KLRG2: variants seen among roughly 807,000 people sequenced by gnomAD.
KLRG2 encodes the protein killer cell lectin like receptor G2.
In KLRG2, 39 loss-of-function variants were observed where a neutral mutation model predicts 35.4. The ratio of observed to expected loss-of-function variants is 1.10; its 90% CI spans 0.85 to 1.44. KLRG2 has a LOEUF of 1.44. Among genes scored for constraint, KLRG2 ranks in the 40% most tolerant of loss-of-function variants. The pLI is 0.00. For synonymous variants in KLRG2, 283 were observed against 265.8 expected (o/e 1.06, Z -0.63); for missense variants, 632 against 570.9 (o/e 1.11, Z -1.09).
At chr7:139,463,444 A>T (rs1308954270) in intron 3 of KLRG2, among the ~76,000 whole-genome samples, 1 of 152,198 alleles carries the variant, frequency 6.6e-6, no homozygotes, top group African/African-American at 2.4e-5. Context: ...TGCCTCTGCC[A>T]TGAGACAAAA....
intron 1 of KLRG2, among the ~76,000 whole-genome samples, chr7:139,480,915 C>T (rs28637914): frequency 0.047 from 7,115 of 151,668 alleles, 528 homozygotes; most frequent in African/African-American, 0.16. Flanking sequence ...GGCTAATTTT[C>T]ATATCTTTAG....
intron 3 of KLRG2, among the ~76,000 whole-genome samples, chr7:139,474,963 TAAGACCCTATTCTAG>T (rs1796824726): frequency 6.6e-6 from 1 of 152,144 alleles, no homozygotes; most frequent in Admixed American, 6.5e-5. Flanking sequence ...CTGTGGGTCA[TAAGACCCTATTCTAG>T]GGAGGGTCCT....
chr7:139,434,316 C>A, the KLRG2 span, among the ~76,000 whole-genome samples: 2 of 152,298 alleles, frequency 1.3e-5, no homozygotes, highest in Admixed American at 1.3e-4. Flanking sequence ...AATTCAGAAC[C>A]AACTTATCAC....
At position 139,470,893 on chromosome 7, in the gene KLRG2, A is replaced by AGTGCAATG. The variant is rs1260026786; in HGVS notation, c.1005+8726_1005+8733dup. Among the ~76,000 whole-genome samples, 84 of 151,776 alleles carry AGTGCAATG rather than the reference A, an allele frequency of 5.5e-4. No homozygotes were observed. In the Middle Eastern group the frequency reaches 0.01, roughly 18 times the overall value. On this transcript the variant is annotated intron_variant, in intron 3 of 4. Transcript: ENST00000340940. ...AGTCTCACTCTATCGCCCAGGCTGG[A>AGTGCAATG]GTGCAATGGCACGATCTTGGCTCAC... is the stretch of plus-strand genomic sequence containing the variant.
chr7:139,453,440 C>A lies in KLRG2; in HGVS notation c.*147G>T. 1 of 789,528 alleles carries A rather than the reference C, an allele frequency of 1.3e-6. No homozygotes were observed. Among genetic ancestry groups the A allele is most frequent in the East Asian group, 2.8e-5 (1 of 36,348 alleles). The allele number at this position is 789,528 out of a possible 1,614,324, so 48.9% of individuals were successfully genotyped here. A position where few individuals can be genotyped will look rare whatever the true frequency, so the allele number is the denominator to read the frequency against. On this transcript the variant is annotated 3_prime_UTR_variant, in exon 5 of 5. Coordinates refer to ENST00000340940, the MANE Select transcript of KLRG2 (RefSeq NM_198508.4). ...CATCTTCCTGGGTTGAAGTCCAGCT[C>A]CTAGGCTCGCTCATGTGGCCCCCTT...
chr7:139,479,894 G>T (rs959336225), intron 2 of KLRG2, 122 bp from the exon 3 acceptor site: 66 of 1,190,804 alleles, frequency 5.5e-5, no homozygotes, highest in Non-Finnish European at 7.3e-5. Context: ...AGGGCCCCAG[G>T]GAGCTTTTAT....
chr7:139,478,234 C>CACATG (rs1196694637), intron 3 of KLRG2, among the ~76,000 whole-genome samples: 1 of 151,782 alleles, frequency 6.6e-6, no homozygotes, highest in Non-Finnish European at 1.5e-5. Context: ...GTTGTGGTGG[C>CACATG]ACATGACTGT....
the KLRG2 span, among the ~76,000 whole-genome samples, chr7:139,433,623 GC>G: frequency 2.9e-5 from 4 of 137,318 alleles, no homozygotes; most frequent in South Asian, 2.2e-4. Flanking sequence ...ACTGCGCCCG[GC>G]CTTTTTTTTT....
At chr7:139,477,694 T>C (rs1415970205) in intron 3 of KLRG2, among the ~76,000 whole-genome samples, 2 of 152,196 alleles carry the variant, frequency 1.3e-5, no homozygotes, top group Non-Finnish European at 2.9e-5. Flanking sequence ...TGAATGTATT[T>C]AATATCACTC....
chr7:139,480,120 G>T, intron 2 of KLRG2, 26 bp downstream of exon 2: 1 of 1,454,982 alleles, frequency 6.9e-7, no homozygotes, highest in Non-Finnish European at 9.7e-7. Flanking sequence ...CAGGGAGAGG[G>T]GATGGGGACT....
chr7:139,469,317 G>A (rs10240569), intron 3 of KLRG2, among the ~76,000 whole-genome samples: 13,877 of 152,010 alleles, frequency 0.091, 1,039 homozygotes, highest in East Asian at 0.37. Context: ...GTGCCACCAC[G>A]CTCAACTAAG....
In KLRG2 at chr7:139,478,609, G is replaced by T. The variant is rs540517601; in HGVS notation, c.1005+1018C>A. 1.9e-4 allele frequency among the ~76,000 whole-genome samples: 29 copies of T among 151,914 alleles called. No individual in the cohort carries two copies. The South Asian group carries it at 5.6e-3, about 29-fold the overall frequency. Reference sequence around the variant, plus strand: ...CCCTTCAACCCGGGAGGTGAAGGTTGCAGTGAGCCGAGATTATGCCACTGC... The same window carrying T: ...CCCTTCAACCCGGGAGGTGAAGGTTTCAGTGAGCCGAGATTATGCCACTGC... On this transcript the variant is annotated intron_variant, in intron 3 of 4. Transcript: ENST00000340940.
chr7:139,466,760 AAG>A (rs1491311425), intron 3 of KLRG2, among the ~76,000 whole-genome samples: 2 of 150,810 alleles, frequency 1.3e-5, no homozygotes, highest in African/African-American at 4.9e-5. Flanking sequence ...AAAATAAAAA[AAG>A]GGGGGGGTAC....
At position 139,480,234 on chromosome 7, in the gene KLRG2, G is replaced by C; in HGVS notation, c.771C>G (p.Tyr257Ter). The C allele has an allele frequency of 6.2e-7, 1 of 1,604,752 alleles. No homozygotes were observed. The highest frequency in any genetic ancestry group is 1.1e-5 in the South Asian group (1 of 90,890). Reference protein sequence around the residue: ...RAVTLTGLPMYVKSLYWALAF... With the variant: ...RAVTLTGLPM Reference sequence around the variant, plus strand: ...CCAGGGCCCAGTACAGGGACTTCACGTACATGGGTAGCCCTGGGACGGGGG... The same window carrying C: ...CCAGGGCCCAGTACAGGGACTTCACCTACATGGGTAGCCCTGGGACGGGGG... Residue 257 changes from tyrosine to a stop codon, truncating the protein, a stop_gained, in exon 2 of 5, where the codon TAC (tyrosine) becomes TAG (stop). Transcript: ENST00000340940. LOFTEE classifies it high-confidence loss of function.
chr7:139,476,161 G>A (rs1451735689), intron 3 of KLRG2, among the ~76,000 whole-genome samples: 1 of 152,124 alleles, frequency 6.6e-6, no homozygotes, highest in Non-Finnish European at 1.5e-5. Flanking sequence ...CCAGCACTTA[G>A]GGAGGCTGAG....
At chr7:139,463,208 A>G (rs1367818000) in intron 3 of KLRG2, among the ~76,000 whole-genome samples, 2 of 152,152 alleles carry the variant, frequency 1.3e-5, no homozygotes, top group East Asian at 3.8e-4. Context: ...TTTGGCAGCA[A>G]CCTGAGACGC....
the KLRG2 span, among the ~76,000 whole-genome samples, chr7:139,438,653 C>A: frequency 6.6e-6 from 1 of 151,310 alleles, no homozygotes; most frequent in Non-Finnish European, 1.5e-5. Flanking sequence ...ACATGATACA[C>A]CTTCTTTGGG....
intron 4 of KLRG2, 72 bp downstream of exon 4, chr7:139,454,039 A>C (rs1796415091): frequency 1.0e-6 from 1 of 962,144 alleles, no homozygotes; most frequent in South Asian, 1.4e-5. Flanking sequence ...GGGAGCAGCA[A>C]GGAGGTGGAG....
intron 3 of KLRG2, among the ~76,000 whole-genome samples, chr7:139,478,444 C>T (rs1195677041): frequency 4.7e-5 from 7 of 149,644 alleles, no homozygotes; most frequent in Non-Finnish European, 8.9e-5. Context: ...CCGAGGCGGG[C>T]GGATTACCTG....
Sources: gnomAD v4.1 joint callset for allele counts (sites outside exome capture counted in the v4.1 genomes callset) on GRCh38, gnomAD v4.1.1 for gene constraint, MANE v1.5 for transcripts, NCBI Gene and HGNC (gene_info 2026-07-23, HGNC 2026-07-21) for gene names.